Variants in FAM168B observed in about 807,000 individuals in gnomAD.
FAM168B encodes family with sequence similarity 168 member B, also known as myelin-associated neurite-outgrowth inhibitor.
A neutral mutation model predicts 21.8 loss-of-function variants in FAM168B; 19 were observed. The ratio of observed to expected loss-of-function variants is 0.87; its 90% CI spans 0.61 to 1.28. FAM168B has a LOEUF of 1.28. FAM168B is among the 50% of genes most tolerant of loss of function. The pLI is 0.00. For missense variants in FAM168B, 233 were observed against 263.1 expected (o/e 0.89, Z 0.79); for synonymous variants, 126 against 104.8 (o/e 1.20, Z -1.24).
At chr2:131,064,451 CAGGCACCAACA>C (rs1335865769) in intron 3 of FAM168B, among the ~76,000 whole-genome samples, 4 of 152,126 alleles carry the variant, frequency 2.6e-5, no homozygotes, top group African/African-American at 9.7e-5. Context: ...TACACTCAAT[CAGGCACCAACA>C]AGGTACCCCA....
chr2:131,084,188 C>T (rs1317012702), intron 1 of FAM168B, among the ~76,000 whole-genome samples: 1 of 142,756 alleles, frequency 7.0e-6, no homozygotes, highest in African/African-American at 2.6e-5. Flanking sequence ...TTCTCCCCTC[C>T]GCCCCCCCCA....
intron 2 of FAM168B, 98 bp downstream of exon 2, chr2:131,082,479 C>T: frequency 1.2e-6 from 1 of 804,318 alleles, no homozygotes; most frequent in East Asian, 2.8e-5. Flanking sequence ...GTCTAAGCCA[C>T]TTTGAGCTGC....
chr2:131,071,475 T>TA (rs1262915712), intron 3 of FAM168B, among the ~76,000 whole-genome samples: 1 of 152,216 alleles, frequency 6.6e-6, no homozygotes, highest in African/African-American at 2.4e-5. Flanking sequence ...AATACTTTTT[T>TA]AAAAAATATT....
At position 131,049,743 on chromosome 2, in the gene FAM168B, G is replaced by A. The variant is rs1691533604; in HGVS notation, c.*2722C>T. 1.6e-5 allele frequency: 16 copies of A among 985,852 alleles called. No individual in the cohort carries two copies. Among genetic ancestry groups the A allele is most frequent in the Non-Finnish European group, 1.8e-5 (15 of 829,942 alleles). 61.1% of individuals were successfully genotyped at this position (985,852 alleles called of 1,614,324 possible). On this transcript the variant is annotated 3_prime_UTR_variant, in exon 7 of 7. Coordinates refer to ENST00000389915, the MANE Select transcript of FAM168B (RefSeq NM_001009993.4). ...CTAAAAGAATAGTAATTCAGCTGAA[G>A]GACTCCCAAATTAGGAATGTCAAAC...
At chr2:131,086,989 C>A (rs543685684) in intron 1 of FAM168B, among the ~76,000 whole-genome samples, 1 of 126,784 alleles carries the variant, frequency 7.9e-6, no homozygotes, top group Non-Finnish European at 1.5e-5. Flanking sequence ...GGTGTGAACC[C>A]CAGGGGGCGG....
chr2:131,066,592 T>C (rs905222077), intron 3 of FAM168B, among the ~76,000 whole-genome samples: 2 of 152,218 alleles, frequency 1.3e-5, no homozygotes, highest in Non-Finnish European at 2.9e-5. Context: ...ATTACCAATA[T>C]TAGTTACAGG....
In FAM168B at chr2:131,049,902, T is replaced by C; in HGVS notation, c.*2563A>G. 2.0e-6 allele frequency: 2 copies of C among 985,654 alleles called. No homozygotes were observed. Among genetic ancestry groups the C allele is most frequent in the Non-Finnish European group, 2.4e-6 (2 of 829,940 alleles). 61.1% of individuals were successfully genotyped at this position (985,654 alleles called of 1,614,324 possible). A position where few individuals can be genotyped will look rare whatever the true frequency, so the allele number is the denominator to read the frequency against. ...TTACTAGAAGCGAATGTTGATAAAATTACAACCTATGACAGTTTTGTGACT... is the reference window on the plus strand; with the variant it reads ...TTACTAGAAGCGAATGTTGATAAAACTACAACCTATGACAGTTTTGTGACT... On this transcript the variant is annotated 3_prime_UTR_variant, in exon 7 of 7. Transcript: ENST00000389915.
chr2:131,065,143 CAAAA>C (rs983679085), intron 3 of FAM168B, among the ~76,000 whole-genome samples: 1 of 151,910 alleles, frequency 6.6e-6, no homozygotes, highest in Non-Finnish European at 1.5e-5. Context: ...CAAAAACAAA[CAAAA>C]AAAGAAGCAG....
At chr2:131,068,414 A>C (rs1394298151) in intron 3 of FAM168B, among the ~76,000 whole-genome samples, 2 of 152,132 alleles carry the variant, frequency 1.3e-5, no homozygotes, top group Non-Finnish European at 2.9e-5. Flanking sequence ...CCACCTTGGC[A>C]ACCCAAAGTG....
intron 3 of FAM168B, among the ~76,000 whole-genome samples, chr2:131,059,370 G>C (rs1692181898): frequency 1.3e-5 from 2 of 152,106 alleles, no homozygotes; most frequent in South Asian, 2.1e-4. Flanking sequence ...ATCTTGGATA[G>C]CTCCCTTCTC....
intron 3 of FAM168B, among the ~76,000 whole-genome samples, chr2:131,066,321 G>A (rs933757282): frequency 3.4e-4 from 51 of 151,910 alleles, no homozygotes; most frequent in African/African-American, 1.1e-3. Context: ...GACTACAGGC[G>A]CCCACCACCA....
intron 2 of FAM168B, among the ~76,000 whole-genome samples, chr2:131,076,009 T>C (rs1693135859): frequency 6.6e-6 from 1 of 152,138 alleles, no homozygotes; most frequent in African/African-American, 2.4e-5. Flanking sequence ...GTCACCACTC[T>C]GACCCAAGCC....
chr2:131,073,137 C>T (rs367905445), intron 2 of FAM168B, among the ~76,000 whole-genome samples: 25 of 151,846 alleles, frequency 1.6e-4, no homozygotes, highest in African/African-American at 4.6e-4. Flanking sequence ...CTGTTGCCTA[C>T]GCTGGAGTGC....
At chr2:131,075,487 C>G (rs1693099672) in intron 2 of FAM168B, among the ~76,000 whole-genome samples, 1 of 151,452 alleles carries the variant, frequency 6.6e-6, no homozygotes, top group Non-Finnish European at 1.5e-5. Context: ...CCTTCCCATC[C>G]CCACTTTCTT....
At chr2:131,082,331 T>C (rs1408983610) in intron 2 of FAM168B, among the ~76,000 whole-genome samples, 1 of 152,140 alleles carries the variant, frequency 6.6e-6, no homozygotes, top group Non-Finnish European at 1.5e-5. Context: ...CAACACTAAG[T>C]TAATACTGAG....
At chr2:131,090,646 G>A (rs1445874893) in intron 1 of FAM168B, among the ~76,000 whole-genome samples, 1 of 152,078 alleles carries the variant, frequency 6.6e-6, no homozygotes, top group Non-Finnish European at 1.5e-5. Context: ...CAGGAGGACT[G>A]CTTGAGCCCA....
chr2:131,074,003 A>G (rs1288791116), intron 2 of FAM168B, among the ~76,000 whole-genome samples: 2 of 152,230 alleles, frequency 1.3e-5, no homozygotes, highest in African/African-American at 4.8e-5. Flanking sequence ...TCCTGGCCCC[A>G]AGGTGCAACC....
chr2:131,071,888 T>C lies in FAM168B; in HGVS notation c.121A>G (p.Met41Val), dbSNP rs573899977. ...AAAAPAYSPN[M>V]YPGANPTFQT... ...AAGGTAGGATTCGCTCCAGGATACA[T>C]GTTAGGAGAATAGGCAGGAGCTGCT... Residue 41 changes from methionine to valine, a missense_variant, in exon 3 of 7, where the codon ATG (methionine) becomes GTG (valine). By Grantham distance (21) the Met-to-Val change is conservative (BLOSUM62 1). Transcript: ENST00000389915. 8.7e-6 allele frequency: 14 copies of C among 1,613,762 alleles called. No homozygotes were observed. The highest frequency in any genetic ancestry group is 2.2e-5 in the East Asian group (1 of 44,866).
intron 1 of FAM168B, among the ~76,000 whole-genome samples, chr2:131,084,140 T>A (rs1422287682): frequency 6.6e-6 from 1 of 151,890 alleles, no homozygotes; most frequent in Admixed American, 6.6e-5. Context: ...GACCTCGTGA[T>A]CCGCCCACCT....
Sources: allele counts gnomAD v4.1 joint callset (sites outside exome capture counted in the v4.1 genomes callset), GRCh38; gene constraint gnomAD v4.1.1; transcripts MANE v1.5; gene names NCBI Gene and HGNC (gene_info 2026-07-23, HGNC 2026-07-21).